TYRO3: variants seen among roughly 807,000 people sequenced by gnomAD.
TYRO3 encodes the protein tyrosine-protein kinase receptor TYRO3.
Under a neutral mutation model 95.2 loss-of-function variants are expected in TYRO3, and 38 were observed. That is an observed-to-expected ratio of 0.40 (90% CI 0.31 to 0.52). TYRO3 has a LOEUF of 0.52. Among genes scored for constraint, TYRO3 ranks in the 20% least tolerant of loss-of-function variants. The probability of loss-of-function intolerance (pLI) is 0.56; values close to 1 mark genes in which losing one functional copy is unlikely to be tolerated. For missense variants in TYRO3, 812 were observed against 1,116.4 expected (o/e 0.73, Z 3.89); for synonymous variants, 367 against 432.9 (o/e 0.85, Z 1.89).
rs1288192537 is a variant in TYRO3 at position 41,571,680 on chromosome 15, A to G, written c.1746A>G (p.Lys582=). The change falls in exon 14 of 19, where the codon AAA becomes AAG. Residue 582 remains lysine (K), a synonymous_variant. Coordinates refer to ENST00000263798, the MANE Select transcript of TYRO3 (RefSeq NM_006293.4). ...AGTTTGACCATCCACACGTGGCCAA[A>G]CTTGTTGGTGAGCCCATTTTTGGGG... is the stretch of plus-strand genomic sequence containing the variant. The part of the protein sequence containing the change: ...MKEFDHPHVA[K]LVGVSLRSRA... The G allele has an allele frequency of 2.5e-6, 4 of 1,608,240 alleles. No homozygotes were observed. Among genetic ancestry groups the G allele is most frequent in the Non-Finnish European group, 3.4e-6 (4 of 1,175,128 alleles).
chr15:41,573,289 C>G lies in TYRO3; in HGVS notation c.1986-19C>G, dbSNP rs190164320. ...GAGCATGGCAGAAGGCTGACTCTCT[C>G]CCTCAATGCCCCTTGTAGGCTGGCA... On this transcript the variant is annotated intron_variant, in intron 16 of 18. Transcript: ENST00000263798. 2.6e-6 allele frequency: 3 copies of G among 1,163,210 alleles called. No individual in the cohort carries two copies. The East Asian group carries it at 6.9e-5, about 27-fold the overall frequency. The allele number at this position is 1,163,210 out of a possible 1,614,324, so 72.1% of individuals were successfully genotyped here. A position where few individuals can be genotyped will look rare whatever the true frequency, so the allele number is the denominator to read the frequency against.
intron 10 of TYRO3, 29 bp downstream of exon 10, chr15:41,570,185 G>A: frequency 1.0e-6 from 1 of 994,434 alleles, no homozygotes; most frequent in East Asian, 2.3e-5. Context: ...GGAGGGAGAG[G>A]CAGGTAATGA....
chr15:41,581,702 C>T lies in TYRO3; in HGVS notation c.*3426C>T, dbSNP rs574624674. On this transcript the variant is annotated 3_prime_UTR_variant, in exon 19 of 19. Coordinates refer to ENST00000263798, the MANE Select transcript of TYRO3 (RefSeq NM_006293.4). ...AACTAGCCAGGAGTGGTGGCAGGCA[C>T]CTGTAATCCCAGCTACTTGGGAGGC... The T allele has an allele frequency of 1.3e-5, 2 of 152,050 alleles. No homozygotes were observed. Among genetic ancestry groups the T allele is most frequent in the East Asian group, 1.9e-4 (1 of 5,144 alleles). 9.4% of individuals were successfully genotyped at this position (152,050 alleles called of 1,614,324 possible). A position where few individuals can be genotyped will look rare whatever the true frequency, so the allele number is the denominator to read the frequency against.
chr15:41,569,474 GAAAC>G (rs1377633905), intron 9 of TYRO3, among the ~76,000 whole-genome samples: 1 of 151,194 alleles, frequency 6.6e-6, no homozygotes, highest in Non-Finnish European at 1.5e-5. Context: ...TGTCTCTAAA[GAAAC>G]AAACAAATAA....
chr15:41,572,920 G>T, intron 15 of TYRO3, 82 bp from the exon 16 acceptor site: 1 of 941,178 alleles, frequency 1.1e-6, no homozygotes, highest in African/African-American at 1.7e-5. Flanking sequence ...CAGCCTTCAG[G>T]CTTTCTGGCC....
chr15:41,573,333 G>A lies in TYRO3; in HGVS notation c.2011G>A (p.Val671Met), dbSNP rs760473714. The change falls in exon 17 of 19, where the codon GTG becomes ATG. Residue 671 changes from valine to methionine, a missense_variant. Transcript: ENST00000263798. ...GCTGGCAGAGGACATGACAGTGTGTGTGGCTGACTTCGGACTCTCCCGGAA... is the reference window on the plus strand; with the variant it reads ...GCTGGCAGAGGACATGACAGTGTGTATGGCTGACTTCGGACTCTCCCGGAA... ...CMLAEDMTVC[V>M]ADFGLSRKIY... is the part of the protein sequence containing the mutation. 3.1e-6 allele frequency: 5 copies of A among 1,614,256 alleles called. No homozygotes were observed. The Admixed American group carries it at 8.3e-5, about 27-fold the overall frequency.
intron 3 of TYRO3, chr15:41,562,051 G>A: frequency 5.3e-6 from 1 of 188,048 alleles, no homozygotes; most frequent in Non-Finnish European, 1.1e-5. Context: ...GGGAGCTGGG[G>A]CCTGGCAGCA....
At chr15:41,569,096 G>A (rs2055762286) in intron 9 of TYRO3, 74 bp downstream of exon 9, 8 of 1,560,680 alleles carry the variant, frequency 5.1e-6, no homozygotes, top group Non-Finnish European at 7.0e-6. Context: ...ACTGATGGGA[G>A]GAGCCTAGTA....
At position 41,559,864 on chromosome 15, in the gene TYRO3, G is replaced by A. The variant is rs563223736; in HGVS notation, c.124+483G>A. ...ACAAAAAACAAATGGGCACACTCGA[G>A]TTCCTGTGCCCTCAGAGCTTCCTGA... On this transcript the variant is annotated intron_variant, in intron 1 of 18. Transcript: ENST00000263798. Among the ~76,000 whole-genome samples the A allele has an allele frequency of 3.9e-5, 6 of 152,364 alleles. 1 individual carries two copies. The South Asian group carries it at 1.2e-3, about 32-fold the overall frequency.
intron 1 of TYRO3, 22 bp downstream of exon 1, chr15:41,559,403 G>T: frequency 2.9e-6 from 1 of 348,836 alleles, no homozygotes; most frequent in South Asian, 1.3e-4. Context: ...CACGGGAGGC[G>T]GCGGGAAGCG....
chr15:41,570,717 G>C lies in TYRO3; in HGVS notation c.1579+18G>C. Reference sequence around the variant, plus strand: ...GGGCAAAGGTATGTGAGGCTGTGTGGGGATGGGCATGGCTGGTTTGCTGTA... The same window carrying C: ...GGGCAAAGGTATGTGAGGCTGTGTGCGGATGGGCATGGCTGGTTTGCTGTA... On this transcript the variant is annotated intron_variant, in intron 12 of 18. Transcript: ENST00000263798. The C allele has an allele frequency of 9.3e-7, 1 of 1,072,860 alleles. No individual in the cohort carries two copies. The highest frequency in any genetic ancestry group is 1.4e-6 in the Non-Finnish European group (1 of 715,470). 66.5% of individuals were successfully genotyped at this position (1,072,860 alleles called of 1,614,324 possible).
In TYRO3 at chr15:41,561,564, G is replaced by C; in HGVS notation, c.334G>C (p.Ala112Pro). 1 of 1,591,716 alleles carries C rather than the reference G, an allele frequency of 6.3e-7. No homozygotes were observed. Among genetic ancestry groups the C allele is most frequent in the Non-Finnish European group, 8.5e-7 (1 of 1,170,722 alleles). ...LSLKSVERSD[A>P]GRYWCQVEDG... ...CCTGAAGTCAGTGGAGCGCTCTGAC[G>C]CCGGCCGGTACTGGTGCCAGGTGGA... Residue 112 changes from alanine (A) to proline (P), a missense_variant, in exon 3 of 19, where the codon GCC becomes CCC. Coordinates refer to ENST00000263798, the MANE Select transcript of TYRO3 (RefSeq NM_006293.4).
At chr15:41,561,682 T>A (rs1278345044) in intron 3 of TYRO3, 43 bp downstream of exon 3, 1 of 1,375,144 alleles carries the variant, frequency 7.3e-7, no homozygotes. Flanking sequence ...CTGGAGCACG[T>A]GCTGTCTGCT....
rs542340683 is a variant in TYRO3, at chr15:41,570,778, C to T, written c.1579+79C>T. The T allele has an allele frequency of 2.1e-5, 30 of 1,427,292 alleles. No individual in the cohort carries two copies. The Admixed American group carries it at 4.9e-4, about 24-fold the overall frequency. The allele number at this position is 1,427,292 out of a possible 1,614,324, so 88.4% of individuals were successfully genotyped here. A position where few individuals can be genotyped will look rare whatever the true frequency, so the allele number is the denominator to read the frequency against. On this transcript the variant is annotated intron_variant, in intron 12 of 18. Transcript: ENST00000263798. ...TTTGGTTGCCCCTGTCACTTTGAGG[C>T]TGTGGGTTTGGGTCGGTTGCCGTAA...
chr15:41,567,480 A>T lies in TYRO3; in HGVS notation c.904A>T (p.Asn302Tyr). 6.2e-7 allele frequency: 1 copy of T among 1,605,968 alleles called. No homozygotes were observed. The highest frequency in any genetic ancestry group is 8.5e-7 in the Non-Finnish European group (1 of 1,176,912). The part of the protein sequence containing the change: ...TNYSLRVRCA[N>Y]ALGPSPYADW... The stretch of plus-strand genomic sequence containing the variant: ...CTACAGCCTCAGGGTGCGCTGTGCC[A>T]ATGCCTTGGGGCCCTCTCCCTATGC... Residue 302 changes from asparagine (N) to tyrosine (Y), a missense_variant, in exon 7 of 19, where the codon AAT becomes TAT. Transcript: ENST00000263798.
intron 18 of TYRO3, among the ~76,000 whole-genome samples, chr15:41,574,880 C>T (rs1382041236): frequency 1.3e-5 from 2 of 152,166 alleles, no homozygotes; most frequent in Non-Finnish European, 2.9e-5. Context: ...CCACCACACT[C>T]GGCTAATTTT....
intron 14 of TYRO3, among the ~76,000 whole-genome samples, chr15:41,572,006 A>C (rs2055802431): frequency 6.6e-6 from 1 of 151,488 alleles, no homozygotes. Context: ...TAAAAAAAAA[A>C]AACAAAACAA....
At position 41,562,688 on chromosome 15, in the gene TYRO3, G is replaced by A. The variant is rs752121582; in HGVS notation, c.550G>A (p.Ala184Thr). 5.4e-5 allele frequency: 87 copies of A among 1,613,500 alleles called. No homozygotes were observed. In the Middle Eastern group the frequency reaches 6.6e-4, roughly 12 times the overall value. ...AGGAACTACGAAGATCGGGGGACCCGCTCCCTCTCCATCTGTTTTAAATGT... is the reference window on the plus strand; with the variant it reads ...AGGAACTACGAAGATCGGGGGACCCACTCCCTCTCCATCTGTTTTAAATGT... ...WRGTTKIGGPAPSPSVLNVTG... is the reference protein window; with the variant it reads ...WRGTTKIGGPTPSPSVLNVTG... Residue 184 changes from alanine to threonine, a missense_variant, in exon 4 of 19, where the codon GCT becomes ACT. Physicochemically the swap from Ala to Thr is moderately conservative, Grantham distance 58. Coordinates refer to ENST00000263798, the MANE Select transcript of TYRO3 (RefSeq NM_006293.4).
At chr15:41,576,104 C>CAAAAAA (rs397853986) in intron 18 of TYRO3, among the ~76,000 whole-genome samples, 1 of 102,096 alleles carries the variant, frequency 9.8e-6, no homozygotes, top group Admixed American at 1.1e-4. Context: ...AACTCCATCT[C>CAAAAAA]AAAAAAAAAA....
Sources: allele counts gnomAD v4.1 joint callset (sites outside exome capture counted in the v4.1 genomes callset), GRCh38; gene constraint gnomAD v4.1.1; transcripts MANE v1.5; gene names NCBI Gene and HGNC (gene_info 2026-07-23, HGNC 2026-07-21).